Variants in SRP14 observed in about 807,000 individuals in gnomAD.
SRP14 encodes signal recognition particle 14 kDa protein.
A neutral mutation model predicts 16.0 loss-of-function variants in SRP14; 1 was observed. The observed-to-expected ratio is 0.06, with a 90% confidence interval of 0.02 to 0.30. The LOEUF (loss-of-function observed/expected upper bound fraction) is 0.30. Among genes scored for constraint, SRP14 ranks in the 10% least tolerant of loss-of-function variants. The pLI is 1.00. For missense variants in SRP14, 120 were observed against 163.1 expected (o/e 0.74, Z 1.44); for synonymous variants, 67 against 60.1 (o/e 1.12, Z -0.53).
At chr15:40,038,546 C>T in intron 2 of SRP14, 152 bp from the exon 3 acceptor site, 1 of 627,980 alleles carries the variant, frequency 1.6e-6, no homozygotes, top group South Asian at 1.9e-5. Context: ...CACGGTCTGG[C>T]GAAACCCTGG....
At chr15:40,037,292 A>AAAAAAAAAAAAAAAAAAAAAC in intron 3 of SRP14, 1 of 1,359,402 alleles carries the variant, frequency 7.4e-7, no homozygotes, top group South Asian at 1.4e-5. Context: ...AAAAAAAAAA[A>AAAAAAAAAAAAAAAAAAAAAC]AAGCTTTGTT....
chr15:40,036,189 A>G lies in SRP14; in HGVS notation c.*144T>C, dbSNP rs985671716. 4.3e-6 allele frequency: 6 copies of G among 1,405,248 alleles called. No individual in the cohort carries two copies. The highest frequency in any genetic ancestry group is 5.8e-6 in the Non-Finnish European group (6 of 1,028,894). The allele number at this position is 1,405,248 out of a possible 1,614,324, so 87.0% of individuals were successfully genotyped here. On this transcript the variant is annotated 3_prime_UTR_variant, in exon 5 of 5. Transcript: ENST00000267884. ...TAGATTCTTACCACAACTATCCTAT[A>G]AACACTGCAACTATTCTTTCCAAAA... is the stretch of plus-strand genomic sequence containing the variant.
intron 2 of SRP14, 47 bp downstream of exon 2, chr15:40,038,829 C>T: frequency 6.3e-7 from 1 of 1,597,140 alleles, no homozygotes; most frequent in Non-Finnish European, 8.6e-7. Flanking sequence ...GGCTCCCAGA[C>T]ACCGGGAACC....
In SRP14 at chr15:40,038,946, G is replaced by A. The variant is rs1375547080; in HGVS notation, c.27C>T (p.Phe9=). ...GGAAAAGTCTGGTCAGCTCCGTCAG[G>A]AACTGGAAAACAACAGGCCCAGCCC... is the stretch of plus-strand genomic sequence containing the variant. MVLLESEQ[F]LTELTRLFQK... Residue 9 remains phenylalanine, a splice_region_variant and synonymous_variant, in exon 2 of 5, where the codon TTC becomes TTT. Transcript: ENST00000267884. The A allele has an allele frequency of 6.2e-6, 10 of 1,612,148 alleles. No homozygotes were observed. The South Asian group carries it at 7.7e-5, about 12-fold the overall frequency.
chr15:40,037,809 C>T (rs1056006715), intron 3 of SRP14, among the ~76,000 whole-genome samples: 2 of 152,212 alleles, frequency 1.3e-5, no homozygotes, highest in African/African-American at 2.4e-5. Flanking sequence ...ATTCAAGGAG[C>T]CTCTTCCTTT....
At chr15:40,037,110 CAATATCCTTATCTTT>C in intron 3 of SRP14, 92 bp from the exon 4 acceptor site, 1 of 1,426,968 alleles carries the variant, frequency 7.0e-7, no homozygotes, top group Non-Finnish European at 9.5e-7. Context: ...CTCCGGAAGA[CAATATCCTTATCTTT>C]AAAATACTTC....
Position 40,039,178 on chromosome 15 carries a change from G to A in SRP14, c.-62C>T, listed in dbSNP as rs1432341483. The A allele has an allele frequency of 1.3e-6, 2 of 1,572,378 alleles. No individual in the cohort carries two copies. The highest frequency in any genetic ancestry group is 1.7e-6 in the Non-Finnish European group (2 of 1,162,092). ...CCTAGCAGTGAGAGCCGGAAGTTCG[G>A]CCTAGGCTGGGCGGGACTTCCGCTA... On this transcript the variant is annotated 5_prime_UTR_variant, in exon 1 of 5. Coordinates refer to ENST00000267884, the MANE Select transcript of SRP14 (RefSeq NM_003134.6).
intron 3 of SRP14, 75 bp downstream of exon 3, chr15:40,038,207 G>A (rs1004158196): frequency 1.4e-5 from 17 of 1,200,928 alleles, no homozygotes; most frequent in Non-Finnish European, 2.0e-5. Flanking sequence ...ATAAAAGCCT[G>A]GTTCAGAAAC....
At position 40,036,158 on chromosome 15, in the gene SRP14, A is replaced by G; in HGVS notation, c.*175T>C. On this transcript the variant is annotated 3_prime_UTR_variant, in exon 5 of 5. Coordinates refer to ENST00000267884, the MANE Select transcript of SRP14 (RefSeq NM_003134.6). ...CACAGACCAATTAGCCAAATGCAAA[A>G]TAAACTAGATTCTTACCACAACTAT... 1 of 1,208,520 alleles carries G rather than the reference A, an allele frequency of 8.3e-7. No homozygotes were observed. 74.9% of individuals were successfully genotyped at this position (1,208,520 alleles called of 1,614,324 possible).
chr15:40,039,107 A>G lies in SRP14; in HGVS notation c.10T>C (p.Leu4=), dbSNP rs2035679664. 1 of 1,612,796 alleles carries G rather than the reference A, an allele frequency of 6.2e-7. No individual in the cohort carries two copies. Among genetic ancestry groups the G allele is most frequent in the Non-Finnish European group, 8.5e-7 (1 of 1,179,674 alleles). ...CCTAGCCATACCTGCTCGCTCTCCA[A>G]CAACACCATCGCGGCGACGCTGGCT... MVL[L]ESEQFLTELT... is the part of the protein sequence containing the mutation. The change falls in exon 1 of 5, where the codon TTG becomes CTG. Residue 4 remains leucine (L), a synonymous_variant. Transcript: ENST00000267884.
intron 2 of SRP14, chr15:40,038,650 C>T: frequency 1.6e-6 from 1 of 616,164 alleles, no homozygotes; most frequent in South Asian, 2.0e-5. Context: ...ACAAAGAGCC[C>T]TGGGCTGCTT....
intron 4 of SRP14, 34 bp downstream of exon 4, chr15:40,036,952 G>A: frequency 6.2e-7 from 1 of 1,612,194 alleles, no homozygotes; most frequent in Non-Finnish European, 8.5e-7. Context: ...CTCTTGCCCT[G>A]AGAAGGGAAA....
chr15:40,039,011 C>T, intron 1 of SRP14, 63 bp from the exon 2 acceptor site: 3 of 1,605,048 alleles, frequency 1.9e-6, no homozygotes, highest in Non-Finnish European at 2.6e-6. Context: ...CGCGTCAAGG[C>T]CCTGGTCCTC....
chr15:40,038,342 C>A lies in SRP14; in HGVS notation c.150G>T (p.Glu50Asp). 2 of 1,614,154 alleles carry A rather than the reference C, an allele frequency of 1.2e-6. No individual in the cohort carries two copies. Among genetic ancestry groups the A allele is most frequent in the Non-Finnish European group, 1.7e-6 (2 of 1,180,006 alleles). The change falls in exon 3 of 5, where the codon GAG becomes GAT. Residue 50 changes from glutamate (E) to aspartate (D), a missense_variant. Transcript: ENST00000267884. ...IPKKGTVEGF[E>D]PADNKCLLRA... ...TTAACAGACACTTGTTGTCTGCGGG[C>A]TCAAAGCCCTCCACAGTACCCTTCT...
upstream of SRP14, chr15:40,039,193 G>T (rs948634620): frequency 3.2e-5 from 49 of 1,525,058 alleles, no homozygotes; most frequent in Middle Eastern, 3.7e-4. Flanking sequence ...GGCTGGGCGG[G>T]ACTTCCGCTA....
Position 40,036,234 on chromosome 15 carries a change from A to G in SRP14, c.*99T>C. The stretch of plus-strand genomic sequence containing the variant: ...CCAAAAGGACCCTAATCTTATGTGA[A>G]AACACCTACTGTGGGGGAACCAGAA... On this transcript the variant is annotated 3_prime_UTR_variant, in exon 5 of 5. Coordinates refer to ENST00000267884, the MANE Select transcript of SRP14 (RefSeq NM_003134.6). 6.4e-7 allele frequency: 1 copy of G among 1,557,874 alleles called. No individual in the cohort carries two copies.
intron 2 of SRP14, 104 bp downstream of exon 2, chr15:40,038,771 TG>T: frequency 8.2e-7 from 1 of 1,220,044 alleles, no homozygotes; most frequent in Non-Finnish European, 1.2e-6. Flanking sequence ...CAGTACAGGG[TG>T]GGGAAAGGTA....
At position 40,036,060 on chromosome 15, in the gene SRP14, A is replaced by G; in HGVS notation, c.*273T>C. The stretch of plus-strand genomic sequence containing the variant: ...CAGTGCTGATAAACAGACATGTTTA[A>G]TGATAGCTTGCTCTTCACAGAGATG... On this transcript the variant is annotated 3_prime_UTR_variant, in exon 5 of 5. Transcript: ENST00000267884. 2.0e-6 allele frequency: 1 copy of G among 493,494 alleles called. No homozygotes were observed. Among genetic ancestry groups the G allele is most frequent in the Non-Finnish European group, 3.5e-6 (1 of 283,922 alleles). The allele number at this position is 493,494 out of a possible 1,614,324, so 30.6% of individuals were successfully genotyped here.
chr15:40,037,703 C>CGCGG (rs141871973), intron 3 of SRP14, among the ~76,000 whole-genome samples: 1,632 of 22,338 alleles, frequency 0.073, 14 homozygotes, highest in African/African-American at 0.1. Flanking sequence ...CAAGATAACT[C>CGCGG]AAGACTTCCA....
Sources: allele counts gnomAD v4.1 joint callset (sites outside exome capture counted in the v4.1 genomes callset), GRCh38; gene constraint gnomAD v4.1.1; transcripts MANE v1.5; gene names NCBI Gene and HGNC (gene_info 2026-07-23, HGNC 2026-07-21).